The following NRXN1 variants were observed in gnomAD, a reference collection of about 807,000 sequenced individuals.
NRXN1 encodes the protein neurexin 1.
NRXN1 carries 39 observed loss-of-function variants against 150.9 expected under a neutral mutation model. The ratio of observed to expected loss-of-function variants is 0.26; its 90% CI spans 0.20 to 0.34. The LOEUF (loss-of-function observed/expected upper bound fraction) is 0.34, where lower values mean the gene tolerates loss of function less well. Ranked by LOEUF, NRXN1 falls within the 10% of genes least tolerant of loss-of-function variation. The probability of loss-of-function intolerance (pLI) is 1.00; values close to 1 mark genes in which losing one functional copy is unlikely to be tolerated. For synonymous variants in NRXN1, 924 were observed against 757.0 expected, an observed-to-expected ratio of 1.22 and a Z score of -3.62; for missense variants, 1,815 against 1,949.9, an observed-to-expected ratio of 0.93 and a Z score of 1.30.
intron 5 of NRXN1, among the ~76,000 whole-genome samples, chr2:50,756,450 C>T (rs1485467318): frequency 6.6e-6 from 1 of 151,588 alleles, no homozygotes; most frequent in Non-Finnish European, 1.5e-5. Context: ...ACTAGATAAG[C>T]AAATATAGCA....
intron 22 of NRXN1, among the ~76,000 whole-genome samples, chr2:49,928,418 C>A (rs948552703): frequency 2.6e-5 from 4 of 152,076 alleles, no homozygotes; most frequent in African/African-American, 7.2e-5. Flanking sequence ...AAAATGATCT[C>A]ATTAGACCAG....
chr2:50,858,442 G>T (rs572276335), intron 5 of NRXN1, among the ~76,000 whole-genome samples: 24 of 152,046 alleles, frequency 1.6e-4, no homozygotes, highest in African/African-American at 5.8e-4. Flanking sequence ...GAATTTTGGG[G>T]TTTTCATTTA....
At chr2:50,736,839 C>T (rs1698819754) in intron 5 of NRXN1, among the ~76,000 whole-genome samples, 1 of 152,158 alleles carries the variant, frequency 6.6e-6, no homozygotes, top group African/African-American at 2.4e-5. Context: ...GGGCAGAAAC[C>T]ATGACTTTAT....
chr2:49,933,485 A>G (rs1041577436), intron 22 of NRXN1, among the ~76,000 whole-genome samples: 6 of 152,080 alleles, frequency 3.9e-5, no homozygotes, highest in Non-Finnish European at 8.8e-5. Context: ...GGGAGTTAAC[A>G]TTCCCACAGA....
intron 18 of NRXN1, among the ~76,000 whole-genome samples, chr2:50,224,580 A>G (rs193266959): frequency 4.0e-5 from 6 of 151,786 alleles, no homozygotes; most frequent in Non-Finnish European, 5.9e-5. Flanking sequence ...AATATATATT[A>G]ATTAAAATAA....
intron 17 of NRXN1, among the ~76,000 whole-genome samples, chr2:50,250,882 T>C (rs1259831526): frequency 6.6e-6 from 1 of 151,806 alleles, no homozygotes; most frequent in Non-Finnish European, 1.5e-5. Context: ...ATGTAATAGA[T>C]ATTGTATTAC....
At chr2:50,142,325 G>C (rs895441639) in intron 18 of NRXN1, among the ~76,000 whole-genome samples, 1 of 151,770 alleles carries the variant, frequency 6.6e-6, no homozygotes, top group South Asian at 2.1e-4. Flanking sequence ...TGTAGAAAGG[G>C]GGTGAAGAGA....
intron 5 of NRXN1, among the ~76,000 whole-genome samples, chr2:50,730,003 C>T (rs1374419829): frequency 6.6e-6 from 1 of 152,202 alleles, no homozygotes; most frequent in East Asian, 1.9e-4. Flanking sequence ...AAGTAGTTCT[C>T]TTTACCTTTG....
chr2:50,763,329 C>T (rs899832746), intron 5 of NRXN1, among the ~76,000 whole-genome samples: 14 of 151,918 alleles, frequency 9.2e-5, no homozygotes, highest in South Asian at 6.2e-4. Context: ...TTTACCATTG[C>T]TTGCCTGTAA....
chr2:50,130,554 C>G (rs115549453), intron 18 of NRXN1, among the ~76,000 whole-genome samples: 1 of 152,052 alleles, frequency 6.6e-6, no homozygotes, highest in Non-Finnish European at 1.5e-5. Flanking sequence ...AACCGTGCTC[C>G]AAGGAATGCT....
At chr2:50,633,796 T>C (rs1002872975) in intron 5 of NRXN1, among the ~76,000 whole-genome samples, 2 of 152,036 alleles carry the variant, frequency 1.3e-5, no homozygotes, top group Admixed American at 6.6e-5. Context: ...TCCACTCTCA[T>C]CAAACCAGTG....
chr2:49,959,911 T>C (rs1392493052), intron 21 of NRXN1, among the ~76,000 whole-genome samples: 1 of 152,194 alleles, frequency 6.6e-6, no homozygotes, highest in Non-Finnish European at 1.5e-5. Context: ...TTGCCTAGCA[T>C]ATTGTGAAGT....
At position 50,821,721 on chromosome 2, in the gene NRXN1, T is replaced by C. The variant is rs140225391; in HGVS notation, c.832+100148A>G. Among the ~76,000 whole-genome samples, 403 of 152,236 alleles carry C rather than the reference T, an allele frequency of 2.6e-3. 2 individuals are homozygous for C. Among genetic ancestry groups the C allele is most frequent in the South Asian group, 4.8e-3 (23 of 4,826 alleles). On this transcript the variant is annotated intron_variant, in intron 5 of 22. Coordinates refer to ENST00000401669, the MANE Select transcript of NRXN1 (RefSeq NM_001330078.2). ...GAAAATAAAATTCATAATAAGGTAA[T>C]GTGCACATTGCACACGTGAAAAAAG...
At chr2:50,623,216 G>T in intron 6 of NRXN1, 98 bp downstream of exon 6, 3 of 916,426 alleles carry the variant, frequency 3.3e-6, no homozygotes, top group Non-Finnish European at 1.6e-6. Flanking sequence ...AAGTGACTCT[G>T]AGGAGCCCTG....
chr2:50,720,149 T>G (rs1369808827), intron 5 of NRXN1, among the ~76,000 whole-genome samples: 1 of 152,146 alleles, frequency 6.6e-6, no homozygotes, highest in Non-Finnish European at 1.5e-5. Flanking sequence ...GATCAGAACA[T>G]GCAATTTCTG....
At chr2:50,640,093 G>T (rs1683856445) in intron 5 of NRXN1, among the ~76,000 whole-genome samples, 1 of 152,096 alleles carries the variant, frequency 6.6e-6, no homozygotes. Context: ...TTCATAAGTT[G>T]TCAAATTAAC....
chr2:50,762,732 A>G (rs755987439), intron 5 of NRXN1, among the ~76,000 whole-genome samples: 3 of 151,970 alleles, frequency 2.0e-5, no homozygotes, highest in Non-Finnish European at 2.9e-5. Flanking sequence ...TTCTTTACCA[A>G]AGATACTCTT....
chr2:50,756,540 A>C (rs1179103748), intron 5 of NRXN1, among the ~76,000 whole-genome samples: 1 of 151,836 alleles, frequency 6.6e-6, no homozygotes, highest in Non-Finnish European at 1.5e-5. Context: ...TGCATCAGGG[A>C]ATCTATTCTG....
At chr2:50,953,494 A>C (rs914683156) in intron 2 of NRXN1, among the ~76,000 whole-genome samples, 1 of 152,154 alleles carries the variant, frequency 6.6e-6, no homozygotes, top group African/African-American at 2.4e-5. Flanking sequence ...AAAAATTGAA[A>C]TTGAAGAAAA....
Sources: allele counts gnomAD v4.1 joint callset (sites outside exome capture counted in the v4.1 genomes callset), GRCh38; gene constraint gnomAD v4.1.1; transcripts MANE v1.5; gene names NCBI Gene and HGNC (gene_info 2026-07-23, HGNC 2026-07-21).